LSAMP: variants seen among roughly 807,000 people sequenced by gnomAD.
The protein encoded by LSAMP is limbic system associated membrane protein, also known as limbic system-associated membrane protein.
Under a neutral mutation model 38.6 loss-of-function variants are expected in LSAMP, and 7 were observed. The ratio of observed to expected loss-of-function variants is 0.18; its 90% CI spans 0.10 to 0.34. The LOEUF is 0.34. LSAMP is among the 10% of genes least tolerant of loss of function. The pLI, the probability that LSAMP is intolerant of heterozygous loss-of-function variation, is 1.00. For synonymous variants in LSAMP, 154 were observed against 166.8 expected (o/e 0.92, Z 0.59); for missense variants, 313 against 420.0 (o/e 0.75, Z 2.23).
At chr3:115,836,033 T>C (rs1262614804) in intron 6 of LSAMP, among the ~76,000 whole-genome samples, 1 of 152,192 alleles carries the variant, frequency 6.6e-6, no homozygotes, top group Non-Finnish European at 1.5e-5. Context: ...ATTATTACTA[T>C]TATTATTAGA....
intron 1 of LSAMP, among the ~76,000 whole-genome samples, chr3:116,161,051 C>G (rs908832772): frequency 6.6e-6 from 1 of 152,288 alleles, no homozygotes; most frequent in South Asian, 2.1e-4. Context: ...GTAGCTAGTG[C>G]AAGTGAAGAA....
chr3:116,176,915 T>C (rs1559771124), intron 1 of LSAMP, among the ~76,000 whole-genome samples: 1 of 151,848 alleles, frequency 6.6e-6, no homozygotes, highest in Non-Finnish European at 1.5e-5. Flanking sequence ...GGTTTCTATA[T>C]CTTTCTATTT....
intron 6 of LSAMP, among the ~76,000 whole-genome samples, chr3:115,828,139 C>T (rs1045029672): frequency 6.6e-6 from 1 of 152,106 alleles, no homozygotes; most frequent in Non-Finnish European, 1.5e-5. Flanking sequence ...CTATCAAAAC[C>T]TTTTCTTTGG....
chr3:115,993,281 A>G (rs1387314069), intron 3 of LSAMP, among the ~76,000 whole-genome samples: 2 of 152,072 alleles, frequency 1.3e-5, no homozygotes, highest in East Asian at 1.9e-4. Flanking sequence ...GTAAAATCCT[A>G]CACATCCTCA....
At chr3:116,209,455 G>C (rs1273892490) in intron 1 of LSAMP, among the ~76,000 whole-genome samples, 3 of 152,186 alleles carry the variant, frequency 2.0e-5, no homozygotes, top group Non-Finnish European at 2.9e-5. Flanking sequence ...AAGTTTGTGA[G>C]TTTTTGAAAT....
intron 3 of LSAMP, among the ~76,000 whole-genome samples, chr3:115,854,284 T>TATTA (rs369597774): frequency 2.5e-3 from 212 of 85,000 alleles, no homozygotes; most frequent in Middle Eastern, 5.8e-3. Flanking sequence ...TTATTATTAT[T>TATTA]TTTTTTTTTT....
intron 1 of LSAMP, among the ~76,000 whole-genome samples, chr3:116,290,281 C>T (rs1403415294): frequency 6.6e-6 from 1 of 152,180 alleles, no homozygotes; most frequent in African/African-American, 2.4e-5. Flanking sequence ...CATGTCCCTG[C>T]ACACTGCCCC....
At chr3:116,175,153 AT>A (rs10719543) in intron 1 of LSAMP, among the ~76,000 whole-genome samples, 75,920 of 151,890 alleles carry the variant, frequency 0.5, 21,470 homozygotes, top group East Asian at 0.74. Flanking sequence ...TTCTTTAGTT[AT>A]TTTTTTAGGT....
intron 4 of LSAMP, among the ~76,000 whole-genome samples, chr3:115,851,252 G>A (rs1935322272): frequency 1.3e-5 from 2 of 152,162 alleles, no homozygotes; most frequent in African/African-American, 4.8e-5. Flanking sequence ...GGGATTACAG[G>A]GGTGAGCCAC....
At chr3:116,289,772 T>C (rs2047239859) in intron 1 of LSAMP, among the ~76,000 whole-genome samples, 1 of 152,214 alleles carries the variant, frequency 6.6e-6, no homozygotes, top group African/African-American at 2.4e-5. Flanking sequence ...TTTTTAATTA[T>C]CAAATTGGCC....
chr3:115,931,393 T>G (rs894495470), intron 3 of LSAMP, among the ~76,000 whole-genome samples: 1 of 152,192 alleles, frequency 6.6e-6, no homozygotes, highest in Admixed American at 6.5e-5. Flanking sequence ...CTGAGTGACC[T>G]GCTTTCTCAG....
At chr3:116,395,581 GA>G (rs1242232154) in intron 1 of LSAMP, among the ~76,000 whole-genome samples, 2 of 152,120 alleles carry the variant, frequency 1.3e-5, no homozygotes, top group East Asian at 3.9e-4. Context: ...AGAGCTCTGG[GA>G]GTTGCAAGCA....
chr3:116,179,200 C>T (rs1710425946), intron 1 of LSAMP, among the ~76,000 whole-genome samples: 2 of 152,306 alleles, frequency 1.3e-5, no homozygotes, highest in South Asian at 4.1e-4. Flanking sequence ...TCCTGCTGTA[C>T]TTCAGTCCCC....
At chr3:116,311,592 C>CT (rs1489143201) in intron 1 of LSAMP, among the ~76,000 whole-genome samples, 1 of 152,054 alleles carries the variant, frequency 6.6e-6, no homozygotes, top group African/African-American at 2.4e-5. Context: ...ACAAGGTGAC[C>CT]TGTAGAAAGG....
At chr3:116,258,782 C>T (rs1434223928) in intron 1 of LSAMP, among the ~76,000 whole-genome samples, 1 of 152,146 alleles carries the variant, frequency 6.6e-6, no homozygotes, top group Non-Finnish European at 1.5e-5. Context: ...TAGGCACATA[C>T]TTCTAAAGTG....
intron 1 of LSAMP, among the ~76,000 whole-genome samples, chr3:116,261,645 T>A (rs1198367972): frequency 6.6e-6 from 1 of 152,150 alleles, no homozygotes; most frequent in Non-Finnish European, 1.5e-5. Context: ...TAGCACAGTG[T>A]CCTGCATCCC....
chr3:116,331,593 T>C (rs1245190894), intron 1 of LSAMP, among the ~76,000 whole-genome samples: 2 of 152,078 alleles, frequency 1.3e-5, no homozygotes, highest in East Asian at 1.9e-4. Context: ...TGGAAGAAAT[T>C]GAAACATGTC....
chr3:115,924,933 T>A (rs1162918985), intron 3 of LSAMP, among the ~76,000 whole-genome samples: 1 of 152,158 alleles, frequency 6.6e-6, no homozygotes, highest in Non-Finnish European at 1.5e-5. Flanking sequence ...TGCTCTTTCT[T>A]ATAAGAAATT....
At chr3:115,857,309 G>A (rs1485503829) in intron 3 of LSAMP, among the ~76,000 whole-genome samples, 1 of 152,138 alleles carries the variant, frequency 6.6e-6, no homozygotes, top group Admixed American at 6.5e-5. Context: ...GTCCCCAAGA[G>A]GGCAACTTTT....
Sources: gnomAD v4.1 joint callset for allele counts (sites outside exome capture counted in the v4.1 genomes callset) on GRCh38, gnomAD v4.1.1 for gene constraint, MANE v1.5 for transcripts, NCBI Gene and HGNC (gene_info 2026-07-23, HGNC 2026-07-21) for gene names.